ARSB: variants seen among roughly 807,000 people sequenced by gnomAD.
ARSB encodes the protein arylsulfatase B, also known as N-acetylgalactosamine-4-sulfatase.
Under a neutral mutation model 50.9 loss-of-function variants are expected in ARSB, and 41 were observed. The observed-to-expected ratio is 0.81, with a 90% CI of 0.63 to 1.04. The LOEUF (loss-of-function observed/expected upper bound fraction) is 1.04. Among genes scored for constraint, ARSB ranks in the 50% least tolerant of loss-of-function variants. The probability of loss-of-function intolerance (pLI) is 0.00; values close to 1 mark genes in which losing one functional copy is unlikely to be tolerated. For missense variants in ARSB, 672 were observed against 693.3 expected, an observed-to-expected ratio of 0.97 and a Z score of 0.35; for synonymous variants, 269 against 284.8, an observed-to-expected ratio of 0.94 and a Z score of 0.56.
intron 6 of ARSB, among the ~76,000 whole-genome samples, chr5:78,814,114 C>T (rs1217874495): frequency 1.3e-5 from 2 of 150,884 alleles, no homozygotes; most frequent in Non-Finnish European, 3.0e-5. Flanking sequence ...TGACCACTTC[C>T]TCTGTTTGAC....
intron 4 of ARSB, among the ~76,000 whole-genome samples, chr5:78,908,693 T>C (rs1391258941): frequency 6.6e-6 from 1 of 150,804 alleles, no homozygotes; most frequent in Non-Finnish European, 1.5e-5. Flanking sequence ...GAACTGCAGA[T>C]GAAACAACAC....
At chr5:78,794,658 C>T (rs934709479) in intron 6 of ARSB, among the ~76,000 whole-genome samples, 2 of 152,128 alleles carry the variant, frequency 1.3e-5, no homozygotes, top group Non-Finnish European at 2.9e-5. Context: ...GCAGGATATT[C>T]GGGGAGTATT....
chr5:78,903,488 G>A (rs1375425644), intron 4 of ARSB, among the ~76,000 whole-genome samples: 1 of 152,172 alleles, frequency 6.6e-6, no homozygotes, highest in African/African-American at 2.4e-5. Flanking sequence ...GTTTTCACCA[G>A]TCCATCAAAT....
chr5:78,849,307 A>C (rs1157243912), intron 5 of ARSB, among the ~76,000 whole-genome samples: 2 of 152,080 alleles, frequency 1.3e-5, no homozygotes, highest in African/African-American at 4.8e-5. Flanking sequence ...TCCCAGCACC[A>C]TTTATTAAAT....
chr5:78,941,671 G>A (rs1444873658), intron 4 of ARSB, among the ~76,000 whole-genome samples: 1 of 152,246 alleles, frequency 6.6e-6, no homozygotes, highest in African/African-American at 2.4e-5. Context: ...ATGTGCTGCT[G>A]GATTTGGTTT....
At position 78,780,464 on chromosome 5, in the gene ARSB, A is replaced by G; in HGVS notation, c.1535T>C (p.Val512Ala). 6.2e-7 allele frequency: 1 copy of G among 1,614,118 alleles called. No homozygotes were observed. Among genetic ancestry groups the G allele is most frequent in the African/African-American group, 1.3e-5 (1 of 75,026 alleles). The part of the protein sequence containing the change: ...LQFYHKHSVP[V>A]YFPAQDPRCD... ...GCGGGGGTCCTGTGCAGGGAAGTAC[A>G]CGGGGACTGAGTGTTTATGGTAGAA... The change falls in exon 8 of 8, where the codon GTG becomes GCG. Residue 512 changes from valine to alanine, a missense_variant. Transcript: ENST00000264914.
chr5:78,941,515 C>T (rs1323312529), intron 4 of ARSB, among the ~76,000 whole-genome samples: 1 of 152,130 alleles, frequency 6.6e-6, no homozygotes, highest in Non-Finnish European at 1.5e-5. Flanking sequence ...TTGTCAAAGG[C>T]CTTTTCTGCA....
intron 4 of ARSB, among the ~76,000 whole-genome samples, chr5:78,942,171 C>T (rs1298165815): frequency 1.0e-4 from 15 of 150,494 alleles, no homozygotes; most frequent in South Asian, 2.1e-4. Flanking sequence ...ATTCTTCTCT[C>T]TTTTCTTCTT....
At chr5:78,937,474 C>T (rs1417898983) in intron 4 of ARSB, among the ~76,000 whole-genome samples, 2 of 143,746 alleles carry the variant, frequency 1.4e-5, no homozygotes, top group African/African-American at 5.1e-5. Context: ...TATATATATT[C>T]ATTAATTATA....
At chr5:78,802,577 C>T (rs950142875) in intron 6 of ARSB, among the ~76,000 whole-genome samples, 1 of 152,184 alleles carries the variant, frequency 6.6e-6, no homozygotes, top group South Asian at 2.1e-4. Flanking sequence ...GAAACAGCCC[C>T]GGGAAACACA....
chr5:78,857,675 C>T lies in ARSB; in HGVS notation c.1143-18249G>A, dbSNP rs374124621. Among the ~76,000 whole-genome samples, 33 of 152,208 alleles carry T rather than the reference C, an allele frequency of 2.2e-4. No homozygotes were observed. The East Asian group carries it at 2.5e-3, about 12-fold the overall frequency. ...CATGGGACAGTTCAAGGATTGCCAC[C>T]GTACAATGTTTACCCCCATCCCAGC... is the stretch of plus-strand genomic sequence containing the variant. On this transcript the variant is annotated intron_variant, in intron 5 of 7. Transcript: ENST00000264914.
At position 78,801,170 on chromosome 5, in the gene ARSB, G is replaced by A. The variant is rs139148999; in HGVS notation, c.1214-19196C>T. Among the ~76,000 whole-genome samples the A allele has an allele frequency of 7.0e-4, 107 of 152,238 alleles. 1 individual carries two copies. Among genetic ancestry groups the A allele is most frequent in the Non-Finnish European group, 5.0e-4 (34 of 68,024 alleles). ...CTGTTTTAGAAAGACACATCTCCAT[G>A]TTCATTATACTCTGATTACTAATTA... is the stretch of plus-strand genomic sequence containing the variant. On this transcript the variant is annotated intron_variant, in intron 6 of 7. Transcript: ENST00000264914.
chr5:78,863,746 T>G (rs1746567545), intron 5 of ARSB, among the ~76,000 whole-genome samples: 1 of 151,964 alleles, frequency 6.6e-6, no homozygotes, highest in Admixed American at 6.6e-5. Flanking sequence ...CCCTAGAACT[T>G]AAAGTATAAT....
chr5:78,803,770 T>A (rs916044613), intron 6 of ARSB, among the ~76,000 whole-genome samples: 2 of 152,270 alleles, frequency 1.3e-5, no homozygotes, highest in Non-Finnish European at 2.9e-5. Flanking sequence ...CCATGGGATA[T>A]AGTAATGTAT....
intron 4 of ARSB, among the ~76,000 whole-genome samples, chr5:78,949,425 A>G (rs1448587101): frequency 6.6e-6 from 1 of 152,200 alleles, no homozygotes; most frequent in Non-Finnish European, 1.5e-5. Context: ...GAAAAAATGA[A>G]TCACTGCTCT....
chr5:78,960,713 T>C (rs933597750), intron 3 of ARSB, among the ~76,000 whole-genome samples: 2 of 152,074 alleles, frequency 1.3e-5, no homozygotes, highest in African/African-American at 4.8e-5. Context: ...TACAGGTGCA[T>C]GCCACCAGGC....
At chr5:78,849,420 T>A (rs1382022446) in intron 5 of ARSB, among the ~76,000 whole-genome samples, 1 of 152,126 alleles carries the variant, frequency 6.6e-6, no homozygotes, top group Non-Finnish European at 1.5e-5. Context: ...GTTCCATTGA[T>A]CTATATCTCT....
At chr5:78,948,905 G>A (rs1185626040) in intron 4 of ARSB, among the ~76,000 whole-genome samples, 2 of 152,128 alleles carry the variant, frequency 1.3e-5, no homozygotes, top group Non-Finnish European at 2.9e-5. Context: ...GTTAAAAATG[G>A]AGATTTTTGG....
chr5:78,835,503 C>T (rs193111950), intron 6 of ARSB, among the ~76,000 whole-genome samples: 20 of 152,154 alleles, frequency 1.3e-4, no homozygotes, highest in African/African-American at 4.6e-4. Flanking sequence ...GATAGAAAAG[C>T]GGATCGATAC....
Sources: gnomAD v4.1 joint callset for allele counts (sites outside exome capture counted in the v4.1 genomes callset) on GRCh38, gnomAD v4.1.1 for gene constraint, MANE v1.5 for transcripts, NCBI Gene and HGNC (gene_info 2026-07-23, HGNC 2026-07-21) for gene names.